Variants in DDX3X observed in about 807,000 individuals in gnomAD.
The protein encoded by DDX3X is DEAD-box helicase 3 X-linked.
In DDX3X, 4 loss-of-function variants were observed where a neutral mutation model predicts 52.7. That is an observed-to-expected ratio of 0.08 (90% confidence interval 0.04 to 0.17). The LOEUF is 0.17. Ranked by LOEUF, DDX3X falls within the 10% of genes least tolerant of loss-of-function variation. The pLI is 1.00. For synonymous variants in DDX3X, 192 were observed against 178.1 expected, an observed-to-expected ratio of 1.08 and a Z score of -0.62; for missense variants, 222 against 548.6, an observed-to-expected ratio of 0.40 and a Z score of 5.95.
At chrX:41,342,425 T>G in intron 4 of DDX3X, 70 bp from the exon 5 acceptor site, 1 of 1,136,711 alleles carries the variant, frequency 8.8e-7, no homozygotes, top group Non-Finnish European at 1.2e-6. Flanking sequence ...CAGATACAGT[T>G]CTAGAGTAGG....
intron 1 of DDX3X, 167 bp downstream of exon 1, chrX:41,334,464 G>T (rs1370126684): frequency 6.1e-5 from 67 of 1,101,976 alleles, no homozygotes; most frequent in Non-Finnish European, 7.5e-5. Flanking sequence ...AATGTTGGTT[G>T]GGGCTGTCGC....
chrX:41,346,013 C>CGAGA, intron 12 of DDX3X: 1 of 406,156 alleles, frequency 2.5e-6, no homozygotes, highest in South Asian at 4.2e-5. Context: ...GGCCAGTGCA[C>CGAGA]TCTCAGCCTG....
chrX:41,347,079 C>A (rs968988876), intron 15 of DDX3X, 67 bp downstream of exon 15: 243 of 1,063,773 alleles, frequency 2.3e-4, no homozygotes, highest in Non-Finnish European at 3.0e-4. Context: ...GTTTCCTCTG[C>A]ATGCATAACG....
rs771345167 is a variant in DDX3X, at chrX:41,334,206, C to T, written c.-47C>T. 1.7e-6 allele frequency: 2 copies of T among 1,179,068 alleles called. No individual in the cohort carries two copies. The highest frequency in any genetic ancestry group is 3.7e-5 in the South Asian group (2 of 54,558). On this transcript the variant is annotated 5_prime_UTR_variant, in exon 1 of 17. Coordinates refer to ENST00000644876, the MANE Select transcript of DDX3X (RefSeq NM_001356.5). Reference sequence around the variant, plus strand: ...GAGAGGGCCTTCGCGGTGGAACAAACACTCGCTTAGCAGCGGAAGACTCCG... The same window carrying T: ...GAGAGGGCCTTCGCGGTGGAACAAATACTCGCTTAGCAGCGGAAGACTCCG...
At chrX:41,341,107 T>G (rs1310221098) in intron 3 of DDX3X, 1 of 166,563 alleles carries the variant, frequency 6.0e-6, no homozygotes, top group African/African-American at 3.0e-5. Context: ...TGCCTCAGCC[T>G]CCTGAGTAGC....
intron 1 of DDX3X, chrX:41,336,856 C>A (rs2063778509): frequency 8.8e-6 from 1 of 113,921 alleles, no homozygotes; most frequent in African/African-American, 3.2e-5. Context: ...AAGAGTACTA[C>A]CCGACTAAAA....
downstream of DDX3X, chrX:41,351,192 T>A (rs760108365): frequency 2.7e-5 from 3 of 111,825 alleles, no homozygotes; most frequent in Admixed American, 1.9e-4. Context: ...GTTTCCACTT[T>A]ATGTGAATGA....
At chrX:41,364,264 T>A (rs760057762) in intron 5 of DDX3X, 1 of 295,314 alleles carries the variant, frequency 3.4e-6, no homozygotes, top group African/African-American at 2.7e-5. Context: ...TGCTCTTTTT[T>A]CTCTCCTAGA....
Position 41,346,980 on chromosome X carries a change from C to G in DDX3X, c.1737C>G (p.His579Gln). The change falls in exon 15 of 17, where the codon CAC becomes CAG. Residue 579 changes from histidine to glutamine, a missense_variant. Physicochemically the swap from His to Gln is conservative, Grantham distance 24. This residue lies in a region of DDX3X where 18 missense variants were observed against 45.3 expected (regional missense o/e 0.40). Transcript: ENST00000644876. ...TAGAAAACATGGCTTATGAACACCA[C>G]TACAAGGGTAGCAGTCGTGGACGTT... Reference protein sequence around the residue: ...SWLENMAYEHHYKGSSRGRSK... With the variant: ...SWLENMAYEHQYKGSSRGRSK... 1 of 1,210,551 alleles carries G rather than the reference C, an allele frequency of 8.3e-7. No homozygotes were observed. Among genetic ancestry groups the G allele is most frequent in the Non-Finnish European group, 1.1e-6 (1 of 894,911 alleles).
chrX:41,334,222 G>T lies in DDX3X; in HGVS notation c.-31G>T. ...TGGAACAAACACTCGCTTAGCAGCG[G>T]AAGACTCCGAGTTCTCGGTACTCTT... On this transcript the variant is annotated 5_prime_UTR_variant, in exon 1 of 17. Transcript: ENST00000644876. 8.3e-7 allele frequency: 1 copy of T among 1,199,400 alleles called. No homozygotes were observed. The highest frequency in any genetic ancestry group is 1.1e-6 in the Non-Finnish European group (1 of 886,149).
rs1392102079 is a variant in DDX3X at position 41,345,499 on chromosome X, G to A, written c.1266G>A (p.Val422=). 1.7e-6 allele frequency: 2 copies of A among 1,207,943 alleles called. No individual in the cohort carries two copies. Among genetic ancestry groups the A allele is most frequent in the Non-Finnish European group, 2.2e-6 (2 of 894,220 alleles). Residue 422 remains valine (V), a synonymous_variant, in exon 12 of 17, where the codon GTG becomes GTA. Transcript: ENST00000644876. ...ACATCACACAGAAAGTAGTTTGGGT[G>A]GAAGAATCAGACAAACGGTCATTTC... ...SENITQKVVW[V]EESDKRSFLL...
At chrX:41,334,379 C>A (rs2063723924) in intron 1 of DDX3X, 82 bp downstream of exon 1, 3 of 1,157,839 alleles carry the variant, frequency 2.6e-6, no homozygotes, top group Non-Finnish European at 3.5e-6. Flanking sequence ...CAGCGCTAAC[C>A]GGCACCCTTA....
chrX:41,360,149 G>A (rs796151626), intron 5 of DDX3X, among the ~76,000 whole-genome samples: 2 of 109,512 alleles, frequency 1.8e-5, no homozygotes, highest in South Asian at 7.8e-4. Flanking sequence ...AAGCGGAGGT[G>A]GGCGGATCAC....
At chrX:41,340,740 T>C (rs1319871946) in intron 3 of DDX3X, 4 of 294,922 alleles carry the variant, frequency 1.4e-5, no homozygotes, top group Non-Finnish European at 2.4e-5. Flanking sequence ...TGAAAAATAC[T>C]GTATTAAACC....
chrX:41,339,895 A>AAGAT (rs1475111398), intron 3 of DDX3X: 1 of 107,452 alleles, frequency 9.3e-6, no homozygotes, highest in African/African-American at 3.5e-5. Flanking sequence ...TTTCTACCAG[A>AAGAT]AGATCACTTT....
At chrX:41,334,711 C>T in intron 1 of DDX3X, 1 of 998,624 alleles carries the variant, frequency 1.0e-6, no homozygotes, top group South Asian at 2.0e-5. Flanking sequence ...CTGGCGCAGC[C>T]TGGATTCCCG....
At chrX:41,344,941 C>T (rs1602133593) in intron 10 of DDX3X, among the ~76,000 whole-genome samples, 1 of 111,587 alleles carries the variant, frequency 9.0e-6, no homozygotes, top group African/African-American at 3.3e-5. Context: ...ATGATCAGCT[C>T]GTGGGACAGT....
intron 3 of DDX3X, 28 bp from the exon 4 acceptor site, chrX:41,341,451 TAATAA>T (rs759163523): frequency 1.8e-6 from 2 of 1,132,128 alleles, no homozygotes; most frequent in African/African-American, 3.6e-5. Context: ...TTCTAATTAA[TAATAA>T]AATGTATTTG....
intron 5 of DDX3X, among the ~76,000 whole-genome samples, chrX:41,360,881 G>A (rs937865816): frequency 9.2e-6 from 1 of 108,751 alleles, no homozygotes; most frequent in Non-Finnish European, 1.9e-5. Context: ...TCTTTGTTTG[G>A]GGGGGGCACA....
Sources: allele counts gnomAD v4.1 joint callset (sites outside exome capture counted in the v4.1 genomes callset), GRCh38; gene constraint gnomAD v4.1.1; regional missense constraint gnomAD v4.1.1; transcripts MANE v1.5; gene names NCBI Gene and HGNC (gene_info 2026-07-23, HGNC 2026-07-21).